Variants in CALCOCO2 observed in about 807,000 individuals in gnomAD.
CALCOCO2 encodes the protein calcium-binding and coiled-coil domain-containing protein 2.
CALCOCO2 carries 42 observed loss-of-function variants against 62.5 expected under a neutral mutation model. That is an observed-to-expected ratio of 0.67 (90% CI 0.53 to 0.87). CALCOCO2 has a LOEUF of 0.87. Ranked by LOEUF, CALCOCO2 falls within the 40% of genes least tolerant of loss-of-function variation. CALCOCO2 has a pLI of 0.00. For missense variants in CALCOCO2, 456 were observed against 515.0 expected (o/e 0.89, Z 1.11); for synonymous variants, 167 against 173.0 (o/e 0.97, Z 0.27).
chr17:48,854,466 C>G (rs575970105), intron 9 of CALCOCO2, among the ~76,000 whole-genome samples: 4 of 110,232 alleles, frequency 3.6e-5, no homozygotes, highest in Non-Finnish European at 6.9e-5. Context: ...AGTGCGCTGA[C>G]CTGATCTCAG....
intron 10 of CALCOCO2, chr17:48,856,508 A>C (rs765284960): frequency 1.9e-5 from 9 of 463,760 alleles, no homozygotes; most frequent in Non-Finnish European, 3.9e-5. Context: ...AACGTCCTAC[A>C]TAACTTTATG....
At chr17:48,850,130 C>A (rs2040106653) in intron 5 of CALCOCO2, among the ~76,000 whole-genome samples, 1 of 152,144 alleles carries the variant, frequency 6.6e-6, no homozygotes, top group South Asian at 2.1e-4. Flanking sequence ...GAAACCCCGT[C>A]TCTACTAAAA....
intron 10 of CALCOCO2, 145 bp downstream of exon 10, chr17:48,856,332 TTAATC>T: frequency 1.8e-6 from 1 of 562,344 alleles, no homozygotes; most frequent in Non-Finnish European, 3.2e-6. Flanking sequence ...AAGAGTAAAT[TTAATC>T]TAATTTCCTA....
rs377145641 is a variant in CALCOCO2, at chr17:48,848,116, C to G, written c.233C>G (p.Pro78Arg). 1.2e-6 allele frequency: 2 copies of G among 1,613,438 alleles called. No homozygotes were observed. Among genetic ancestry groups the G allele is most frequent in the African/African-American group, 2.7e-5 (2 of 74,848 alleles). The change falls in exon 3 of 13, where the codon CCC becomes CGC. Residue 78 changes from proline to arginine, a missense_variant. Coordinates refer to ENST00000258947, the MANE Select transcript of CALCOCO2 (RefSeq NM_005831.5). The part of the protein sequence containing the change: ...EYYTFMWVTL[P>R]IDLNNKSAKQ... ...TACACCTTCATGTGGGTTACTTTGC[C>G]CATTGACCTAAACAACAAATCAGCT...
chr17:48,855,628 A>G (rs2040203909), intron 9 of CALCOCO2, among the ~76,000 whole-genome samples: 1 of 152,146 alleles, frequency 6.6e-6, no homozygotes, highest in Admixed American at 6.5e-5. Context: ...CTCTTCCTTC[A>G]TGTAACTTGA....
chr17:48,858,354 G>T (rs2040274997), intron 10 of CALCOCO2, among the ~76,000 whole-genome samples: 1 of 151,552 alleles, frequency 6.6e-6, no homozygotes, highest in African/African-American at 2.4e-5. Context: ...TTGTTTTTTA[G>T]AGTCTTGCTC....
At chr17:48,861,677 A>ATATATATATATATAT in intron 11 of CALCOCO2, among the ~76,000 whole-genome samples, 7 of 117,472 alleles carry the variant, frequency 6.0e-5, no homozygotes, top group African/African-American at 2.9e-4. Flanking sequence ...ATATATATAT[A>ATATATATATATATAT]AAGCCTGTGT....
At position 48,849,397 on chromosome 17, in the gene CALCOCO2, G is replaced by A; in HGVS notation, c.543+20G>A. On this transcript the variant is annotated intron_variant, in intron 5 of 12. Transcript: ENST00000258947. ...AAGCAGGTATGGCTGCTGGTTATAGGTGACCTTGGAGCATGGAGATCAGAA... is the reference window on the plus strand; with the variant it reads ...AAGCAGGTATGGCTGCTGGTTATAGATGACCTTGGAGCATGGAGATCAGAA... 2.5e-6 allele frequency: 4 copies of A among 1,610,946 alleles called. No individual in the cohort carries two copies. Among genetic ancestry groups the A allele is most frequent in the Non-Finnish European group, 3.4e-6 (4 of 1,178,718 alleles).
At chr17:48,842,544 ACTGCAGCCTCAAC>A (rs2039989724) in intron 2 of CALCOCO2, 1 of 151,884 alleles carries the variant, frequency 6.6e-6, no homozygotes, top group East Asian at 1.9e-4. Flanking sequence ...AGTGTAGTTC[ACTGCAGCCTCAAC>A]CTCCTCCCAG....
At chr17:48,837,677 G>A (rs2039913246) in intron 1 of CALCOCO2, among the ~76,000 whole-genome samples, 1 of 151,864 alleles carries the variant, frequency 6.6e-6, no homozygotes, top group African/African-American at 2.4e-5. Context: ...AACTTTTGAG[G>A]TTTGAGGTTG....
In CALCOCO2 at chr17:48,848,054, G is replaced by C; in HGVS notation, c.181-10G>C. The C allele has an allele frequency of 6.5e-7, 1 of 1,541,222 alleles. No individual in the cohort carries two copies. Among genetic ancestry groups the C allele is most frequent in the Non-Finnish European group, 9.0e-7 (1 of 1,114,918 alleles). Reference sequence around the variant, plus strand: ...TTCAGGTACTAAATAAGAACTTCTTGTCATTGCAGGTGGGGTGGAAGACAA... The same window carrying C: ...TTCAGGTACTAAATAAGAACTTCTTCTCATTGCAGGTGGGGTGGAAGACAA... On this transcript the variant is annotated splice_polypyrimidine_tract_variant and intron_variant, in intron 2 of 12. Transcript: ENST00000258947.
At position 48,862,983 on chromosome 17, in the gene CALCOCO2, A is replaced by G. The variant is rs1028481705; in HGVS notation, c.1319A>G (p.His440Arg). Residue 440 changes from histidine (H) to arginine (R), a missense_variant, in exon 13 of 13, where the codon CAC (histidine) becomes CGC (arginine). Physicochemically the swap from His to Arg is conservative, Grantham distance 29. Around this residue, in one of 3 missense-constraint regions of CALCOCO2, gnomAD observed 172 missense variants for 210.3 expected, o/e 0.82. Transcript: ENST00000258947. ...PATEKQIFED[H>R]VFCHSL Reference sequence around the variant, plus strand: ...ACAGAGAAGCAGATCTTTGAAGACCACGTGTTCTGCCACTCTCTCTGAGTA... The same window carrying G: ...ACAGAGAAGCAGATCTTTGAAGACCGCGTGTTCTGCCACTCTCTCTGAGTA... 6.2e-7 allele frequency: 1 copy of G among 1,613,558 alleles called. No homozygotes were observed. The highest frequency in any genetic ancestry group is 1.7e-5 in the Admixed American group (1 of 60,024).
At chr17:48,832,959 G>C (rs1310039833) in intron 1 of CALCOCO2, among the ~76,000 whole-genome samples, 1 of 152,180 alleles carries the variant, frequency 6.6e-6, no homozygotes, top group Non-Finnish European at 1.5e-5. Context: ...TTAATGAGTA[G>C]TAATAAAGGC....
rs1245022027 is a variant in CALCOCO2 at position 48,860,485 on chromosome 17, T to C, written c.1144+36T>C. On this transcript the variant is annotated intron_variant, in intron 11 of 12. Transcript: ENST00000258947. ...TTTCCCATTCCAACTGGAAGGACCC[T>C]GCCTGCATCCCTTTCCCCTACTAAA... 2.5e-6 allele frequency: 4 copies of C among 1,603,420 alleles called. No individual in the cohort carries two copies. The African/African-American group carries it at 5.4e-5, about 21-fold the overall frequency.
intron 1 of CALCOCO2, among the ~76,000 whole-genome samples, chr17:48,834,772 G>T (rs1419067774): frequency 6.6e-6 from 1 of 152,216 alleles, no homozygotes; most frequent in Non-Finnish European, 1.5e-5. Context: ...CATGGGCCAG[G>T]TGTAGTGACT....
chr17:48,855,006 CAG>C (rs2040193361), intron 9 of CALCOCO2, among the ~76,000 whole-genome samples: 1 of 152,080 alleles, frequency 6.6e-6, no homozygotes, highest in Admixed American at 6.6e-5. Context: ...TGGTAGGTGA[CAG>C]AGATAAGGGG....
At chr17:48,831,511 G>A (rs1315180426) in intron 1 of CALCOCO2, 1 of 152,312 alleles carries the variant, frequency 6.6e-6, no homozygotes, top group East Asian at 1.9e-4. Flanking sequence ...GTCACCCTGA[G>A]CAAGTTACTT....
intron 2 of CALCOCO2, among the ~76,000 whole-genome samples, chr17:48,844,813 C>T (rs920864896): frequency 2.6e-5 from 4 of 152,138 alleles, no homozygotes; most frequent in African/African-American, 4.8e-5. Context: ...CTACCGCGCC[C>T]GGCCAATCTG....
At chr17:48,844,915 C>G (rs1434506668) in intron 2 of CALCOCO2, among the ~76,000 whole-genome samples, 5 of 152,082 alleles carry the variant, frequency 3.3e-5, no homozygotes, top group African/African-American at 1.2e-4. Context: ...GCAGATGGAT[C>G]ACTTAAGGTC....
Sources: gnomAD v4.1 joint callset for allele counts (sites outside exome capture counted in the v4.1 genomes callset) on GRCh38, gnomAD v4.1.1 for gene constraint, gnomAD v4.1.1 regional missense constraint, MANE v1.5 for transcripts, NCBI Gene and HGNC (gene_info 2026-07-23, HGNC 2026-07-21) for gene names.